The following CLNK variants were observed in gnomAD, a reference collection of about 807,000 sequenced individuals.
CLNK encodes the protein cytokine dependent hematopoietic cell linker, also known as cytokine-dependent hematopoietic cell linker.
CLNK carries 74 observed loss-of-function variants against 68.6 expected under a neutral mutation model. The ratio of observed to expected loss-of-function variants is 1.08; its 90% CI spans 0.89 to 1.31. CLNK has a LOEUF of 1.31. Among genes scored for constraint, CLNK ranks in the 50% most tolerant of loss-of-function variants. The pLI is 0.00. For missense variants in CLNK, 553 were observed against 515.3 expected, an observed-to-expected ratio of 1.07 and a Z score of -0.71; for synonymous variants, 198 against 172.2, an observed-to-expected ratio of 1.15 and a Z score of -1.17.
intron 17 of CLNK, 24 bp downstream of exon 17, chr4:10,507,935 G>C (rs111790177): frequency 1.7e-5 from 26 of 1,562,238 alleles, no homozygotes; most frequent in African/African-American, 1.6e-4. Context: ...AAACAATAAT[G>C]ATGGGCCACG....
At chr4:10,547,541 A>C (rs1719283482) in intron 8 of CLNK, among the ~76,000 whole-genome samples, 1 of 152,212 alleles carries the variant, frequency 6.6e-6, no homozygotes, top group South Asian at 2.1e-4. Context: ...TTAAGTACAC[A>C]GTACAGTGTC....
intron 7 of CLNK, among the ~76,000 whole-genome samples, chr4:10,563,479 A>G (rs373415254): frequency 1.1e-4 from 17 of 152,348 alleles, no homozygotes; most frequent in African/African-American, 3.6e-4. Flanking sequence ...TGCTTTGTCT[A>G]CAAAAATTAT....
rs147430048 is a variant in CLNK, at chr4:10,566,974, G to A, written c.151-824C>T. Among the ~76,000 whole-genome samples the A allele has an allele frequency of 6.5e-3, 992 of 152,106 alleles. 8 individuals are homozygous for A. The highest frequency in any genetic ancestry group is 8.7e-3 in the Non-Finnish European group (592 of 67,978). On this transcript the variant is annotated intron_variant, in intron 5 of 18. Transcript: ENST00000226951. ...TAATTTCAGAAGACCTAAATAAATG[G>A]AAAGATGACTAATGATCATGGATTG...
In CLNK at chr4:10,490,712, G is replaced by A. The variant is rs1043071243; in HGVS notation, c.1141-99C>T. ...GCTTCATTTTGCATGGGGAAGAGGTGAACCAATTTAACAATGTTTGTATGG... is the reference window on the plus strand; with the variant it reads ...GCTTCATTTTGCATGGGGAAGAGGTAAACCAATTTAACAATGTTTGTATGG... On this transcript the variant is annotated intron_variant, in intron 18 of 18. Transcript: ENST00000226951. The A allele has an allele frequency of 6.5e-6, 6 of 929,672 alleles. No individual in the cohort carries two copies. In the East Asian group the frequency reaches 1.1e-4, roughly 17 times the overall value. The allele number at this position is 929,672 out of a possible 1,614,324, so 57.6% of individuals were successfully genotyped here.
At chr4:10,542,648 GTGTGTGTA>G (rs1419368822) in intron 8 of CLNK, among the ~76,000 whole-genome samples, 1 of 142,562 alleles carries the variant, frequency 7.0e-6, no homozygotes, top group African/African-American at 2.8e-5. Context: ...ATGTGTGTGT[GTGTGTGTA>G]TGTGTGTGTG....
At chr4:10,595,070 A>C (rs571613926) in intron 3 of CLNK, among the ~76,000 whole-genome samples, 1 of 152,324 alleles carries the variant, frequency 6.6e-6, no homozygotes, top group Non-Finnish European at 1.5e-5. Flanking sequence ...AACAAGAGTG[A>C]AACCCCGTCT....
chr4:10,578,579 CTTTTTTTT>C lies in CLNK; in HGVS notation c.112+6340_112+6347del, dbSNP rs5856062. Among the ~76,000 whole-genome samples, 395 of 44,972 alleles carry C rather than the reference CTTTTTTTT, an allele frequency of 8.8e-3. 6 individuals carry two copies. Among genetic ancestry groups the C allele is most frequent in the African/African-American group, 0.033 (378 of 11,470 alleles). The allele number at this position is 44,972 out of a possible 152,430, so 29.5% of individuals were successfully genotyped here. ...TTCTCTTGGACTTGGCTTACCTTAT[CTTTTTTTT>C]TTTTTTTTTTTTTTTTTGAGATGGA... On this transcript the variant is annotated intron_variant, in intron 4 of 18. Transcript: ENST00000226951.
chr4:10,640,484 G>A (rs571894050), intron 2 of CLNK, among the ~76,000 whole-genome samples: 1 of 152,176 alleles, frequency 6.6e-6, no homozygotes, highest in Non-Finnish European at 1.5e-5. Flanking sequence ...CATTTTTGAA[G>A]AGGTCTTAAA....
chr4:10,645,627 T>C (rs1305148176), intron 2 of CLNK, among the ~76,000 whole-genome samples: 2 of 152,144 alleles, frequency 1.3e-5, no homozygotes, highest in East Asian at 3.8e-4. Context: ...AGGTACGTAG[T>C]AGGTACTTAC....
intron 2 of CLNK, among the ~76,000 whole-genome samples, chr4:10,655,994 C>A (rs756806139): frequency 2.6e-5 from 4 of 151,082 alleles, no homozygotes; most frequent in Non-Finnish European, 5.9e-5. Flanking sequence ...TTTATCCATG[C>A]GAAAAAGAAA....
chr4:10,552,486 A>C (rs76102124), intron 8 of CLNK, among the ~76,000 whole-genome samples: 4 of 152,066 alleles, frequency 2.6e-5, no homozygotes, highest in Admixed American at 1.3e-4. Flanking sequence ...TATCTTTCCC[A>C]GTTTTTTGCA....
intron 16 of CLNK, among the ~76,000 whole-genome samples, chr4:10,508,833 T>G (rs117777105): frequency 6.7e-6 from 1 of 149,034 alleles, no homozygotes; most frequent in Non-Finnish European, 1.5e-5. Flanking sequence ...CTGGGCTGGG[T>G]GTGGTGGCTC....
the CLNK span, among the ~76,000 whole-genome samples, chr4:10,698,562 A>C: frequency 6.6e-6 from 1 of 152,186 alleles, no homozygotes; most frequent in African/African-American, 2.4e-5. Context: ...TCATGCTCAG[A>C]TCCACCTGTC....
At chr4:10,541,941 G>A in intron 10 of CLNK, 81 bp downstream of exon 10, 1 of 1,041,962 alleles carries the variant, frequency 9.6e-7, no homozygotes, top group Non-Finnish European at 1.4e-6. Context: ...AATGTCAAAT[G>A]TTTGTGTTTC....
At chr4:10,693,862 A>G in the CLNK span, among the ~76,000 whole-genome samples, 1 of 152,206 alleles carries the variant, frequency 6.6e-6, no homozygotes, top group Non-Finnish European at 1.5e-5. Flanking sequence ...AGGGATGCAT[A>G]TGGACCATAA....
chr4:10,657,128 A>T (rs571713139), intron 2 of CLNK, among the ~76,000 whole-genome samples: 1 of 152,352 alleles, frequency 6.6e-6, no homozygotes, highest in East Asian at 1.9e-4. Flanking sequence ...CTTTCTCAAG[A>T]ACTCATAGCT....
the CLNK span, among the ~76,000 whole-genome samples, chr4:10,726,257 AC>A: frequency 6.6e-6 from 1 of 152,108 alleles, no homozygotes. Flanking sequence ...GGTAGCTGGG[AC>A]TACAGACGCC....
intron 2 of CLNK, among the ~76,000 whole-genome samples, chr4:10,603,237 A>G (rs939815978): frequency 6.6e-6 from 1 of 152,224 alleles, no homozygotes; most frequent in Non-Finnish European, 1.5e-5. Context: ...CTTAAGCCAC[A>G]GTTCTCTTTC....
At chr4:10,536,031 C>T (rs1014859313) in intron 11 of CLNK, among the ~76,000 whole-genome samples, 4 of 152,116 alleles carry the variant, frequency 2.6e-5, no homozygotes, top group African/African-American at 9.7e-5. Flanking sequence ...GTAATTGTTT[C>T]GTGAAACCAA....
Sources: gnomAD v4.1 joint callset for allele counts (sites outside exome capture counted in the v4.1 genomes callset) on GRCh38, gnomAD v4.1.1 for gene constraint, MANE v1.5 for transcripts, NCBI Gene and HGNC (gene_info 2026-07-23, HGNC 2026-07-21) for gene names.